Variants in FNBP1L observed in about 807,000 individuals in gnomAD.
FNBP1L encodes formin-binding protein 1-like.
In FNBP1L, 36 loss-of-function variants were observed where a neutral mutation model predicts 91.2. The observed-to-expected ratio is 0.39, with a 90% CI of 0.30 to 0.52. The LOEUF (loss-of-function observed/expected upper bound fraction) is 0.52. Among genes scored for constraint, FNBP1L ranks in the 20% least tolerant of loss-of-function variants. The pLI, the probability that FNBP1L is intolerant of heterozygous loss-of-function variation, is 0.66. For synonymous variants in FNBP1L, 242 were observed against 237.0 expected (o/e 1.02, Z -0.19); for missense variants, 571 against 732.1 (o/e 0.78, Z 2.54).
At chr1:93,485,151 TA>T (rs34866392) in intron 1 of FNBP1L, among the ~76,000 whole-genome samples, 3,655 of 126,002 alleles carry the variant, frequency 0.029, 124 homozygotes, top group African/African-American at 0.099. Flanking sequence ...ACCCTATCTC[TA>T]AAAAAAAAAA....
chr1:93,509,536 G>A (rs1463483470), intron 2 of FNBP1L, among the ~76,000 whole-genome samples: 2 of 152,204 alleles, frequency 1.3e-5, no homozygotes, highest in Non-Finnish European at 2.9e-5. Flanking sequence ...TAGGTAAAAC[G>A]TGTCCCCTAC....
chr1:93,492,907 A>T (rs1023806468), intron 1 of FNBP1L, among the ~76,000 whole-genome samples: 1 of 152,340 alleles, frequency 6.6e-6, no homozygotes, highest in South Asian at 2.1e-4. Flanking sequence ...TTGAGAATAA[A>T]ACGTAAACAA....
In FNBP1L at chr1:93,553,611, T is replaced by C. The variant is rs1672488671; in HGVS notation, c.*1195T>C. ...TTGATAATTACAATGATAGTCTCTTTCCACGTGATGCTTTTGTTTGAACCT... is the reference window on the plus strand; with the variant it reads ...TTGATAATTACAATGATAGTCTCTTCCCACGTGATGCTTTTGTTTGAACCT... On this transcript the variant is annotated 3_prime_UTR_variant, in exon 17 of 17. Coordinates refer to ENST00000271234, the MANE Select transcript of FNBP1L (RefSeq NM_001164473.3). The C allele has an allele frequency of 6.5e-6, 1 of 152,706 alleles. No homozygotes were observed. Among genetic ancestry groups the C allele is most frequent in the African/African-American group, 2.4e-5 (1 of 41,480 alleles). 9.5% of individuals were successfully genotyped at this position (152,706 alleles called of 1,614,324 possible). A position where few individuals can be genotyped will look rare whatever the true frequency, so the allele number is the denominator to read the frequency against.
intron 2 of FNBP1L, among the ~76,000 whole-genome samples, chr1:93,501,298 G>A (rs142220772): frequency 2.4e-3 from 362 of 152,188 alleles, no homozygotes; most frequent in African/African-American, 8.5e-3. Context: ...ATTTTATGTT[G>A]CCATAACAGA....
chr1:93,533,333 A>G (rs1265160483), intron 8 of FNBP1L, among the ~76,000 whole-genome samples: 1 of 152,102 alleles, frequency 6.6e-6, no homozygotes, highest in African/African-American at 2.4e-5. Context: ...AGTCTAACCT[A>G]GGAACTGTGT....
chr1:93,486,892 A>G (rs191421178), intron 1 of FNBP1L, among the ~76,000 whole-genome samples: 106 of 152,228 alleles, frequency 7.0e-4, no homozygotes, highest in Admixed American at 1.4e-3. Flanking sequence ...AGAAAATCAT[A>G]TTATTTCTTT....
intron 1 of FNBP1L, among the ~76,000 whole-genome samples, chr1:93,457,801 A>T (rs982961729): frequency 4.3e-5 from 6 of 141,142 alleles, no homozygotes; most frequent in African/African-American, 8.9e-5. Context: ...ATTATTATTA[A>T]TTTTTTTTGA....
intron 2 of FNBP1L, among the ~76,000 whole-genome samples, chr1:93,512,865 A>G (rs1319548048): frequency 6.6e-6 from 1 of 152,092 alleles, no homozygotes; most frequent in East Asian, 1.9e-4. Flanking sequence ...TAAAAGAACT[A>G]GAAAAGCAAG....
chr1:93,491,592 C>A (rs1410287957), intron 1 of FNBP1L, among the ~76,000 whole-genome samples: 1 of 152,180 alleles, frequency 6.6e-6, no homozygotes, highest in African/African-American at 2.4e-5. Context: ...CCACCTGGGC[C>A]TCCTAAAGTG....
chr1:93,459,081 C>T (rs1169453039), intron 1 of FNBP1L, among the ~76,000 whole-genome samples: 2 of 152,116 alleles, frequency 1.3e-5, no homozygotes, highest in East Asian at 3.9e-4. Context: ...ATGAGACCAG[C>T]CTAGGCAACA....
In FNBP1L at chr1:93,552,507, G is replaced by A. The variant is rs1672445594; in HGVS notation, c.*91G>A. 1 of 1,454,450 alleles carries A rather than the reference G, an allele frequency of 6.9e-7. No individual in the cohort carries two copies. Among genetic ancestry groups the A allele is most frequent in the Admixed American group, 2.1e-5 (1 of 47,578 alleles). 90.1% of individuals were successfully genotyped at this position (1,454,450 alleles called of 1,614,324 possible). A position where few individuals can be genotyped will look rare whatever the true frequency, so the allele number is the denominator to read the frequency against. ...GTATTAGAGTTGTCAGGCTCAAAGA[G>A]AGTGAGAGAAGCAAGTTGCATGAGT... On this transcript the variant is annotated 3_prime_UTR_variant, in exon 17 of 17. Transcript: ENST00000271234.
chr1:93,551,578 G>A, intron 16 of FNBP1L: 1 of 985,530 alleles, frequency 1.0e-6, no homozygotes, highest in Non-Finnish European at 1.2e-6. Context: ...TGTAGCTACA[G>A]TTTCCAAGAA....
intron 2 of FNBP1L, among the ~76,000 whole-genome samples, chr1:93,521,866 C>G (rs1425285430): frequency 6.6e-6 from 1 of 152,036 alleles, no homozygotes. Flanking sequence ...TATGAAAATA[C>G]AGAAATAACC....
intron 9 of FNBP1L, 58 bp from the exon 10 acceptor site, chr1:93,536,274 T>G: frequency 8.1e-7 from 1 of 1,228,992 alleles, no homozygotes; most frequent in Non-Finnish European, 1.0e-6. Context: ...AGAATTTTCA[T>G]TTAGGAGAAA....
intron 1 of FNBP1L, among the ~76,000 whole-genome samples, chr1:93,458,648 A>G (rs912413432): frequency 1.3e-5 from 2 of 152,124 alleles, no homozygotes; most frequent in East Asian, 1.9e-4. Flanking sequence ...AAAAGCTTCT[A>G]CACAACAAAG....
chr1:93,453,664 T>C (rs927239855), intron 1 of FNBP1L, among the ~76,000 whole-genome samples: 1 of 152,206 alleles, frequency 6.6e-6, no homozygotes, highest in Non-Finnish European at 1.5e-5. Context: ...AAAATCTGTC[T>C]TGGGGAATAT....
At chr1:93,513,439 T>TA (rs1670938886) in intron 2 of FNBP1L, among the ~76,000 whole-genome samples, 1 of 152,090 alleles carries the variant, frequency 6.6e-6, no homozygotes, top group Admixed American at 6.5e-5. Context: ...ATCATCCTGA[T>TA]ACCAAAGCCG....
At chr1:93,482,675 T>A (rs1472579755) in intron 1 of FNBP1L, among the ~76,000 whole-genome samples, 1 of 152,068 alleles carries the variant, frequency 6.6e-6, no homozygotes, top group African/African-American at 2.4e-5. Context: ...GGCAGATTGC[T>A]TGAGCCCAGG....
At chr1:93,538,051 G>T (rs557976965) in intron 10 of FNBP1L, among the ~76,000 whole-genome samples, 2 of 152,130 alleles carry the variant, frequency 1.3e-5, no homozygotes, top group East Asian at 3.9e-4. Context: ...TTACTATGTA[G>T]TAGTCACGTT....
Sources: allele counts gnomAD v4.1 joint callset (sites outside exome capture counted in the v4.1 genomes callset), GRCh38; gene constraint gnomAD v4.1.1; transcripts MANE v1.5; gene names NCBI Gene and HGNC (gene_info 2026-07-23, HGNC 2026-07-21).